Variants in CSMD1 observed in about 807,000 individuals in gnomAD.
The protein encoded by CSMD1 is CUB and sushi domain-containing protein 1.
In CSMD1, 213 loss-of-function variants were observed where a neutral mutation model predicts 417.5. The observed-to-expected ratio is 0.51, with a 90% CI of 0.46 to 0.57. The LOEUF is 0.57. Ranked by LOEUF, CSMD1 falls within the 20% of genes least tolerant of loss-of-function variation. The pLI, the probability that CSMD1 is intolerant of heterozygous loss-of-function variation, is 0.00. For missense variants in CSMD1, 6,923 were observed against 4,529.7 expected, an observed-to-expected ratio of 1.53 and a Z score of -15.17; for synonymous variants, 2,862 against 1,736.8, an observed-to-expected ratio of 1.65 and a Z score of -16.11.
At chr8:3,197,955 G>C (rs962320984) in intron 33 of CSMD1, among the ~76,000 whole-genome samples, 1 of 152,090 alleles carries the variant, frequency 6.6e-6, no homozygotes, top group African/African-American at 2.4e-5. Flanking sequence ...CACACTAGTA[G>C]GAGCAAAGCA....
intron 54 of CSMD1, among the ~76,000 whole-genome samples, chr8:2,994,758 A>G (rs1369762882): frequency 6.6e-6 from 1 of 152,122 alleles, no homozygotes; most frequent in Non-Finnish European, 1.5e-5. Flanking sequence ...TCAATTTTTA[A>G]TTTTTTTATT....
intron 3 of CSMD1, among the ~76,000 whole-genome samples, chr8:4,331,385 G>A (rs1038119114): frequency 6.6e-6 from 1 of 152,138 alleles, no homozygotes; most frequent in Non-Finnish European, 1.5e-5. Context: ...TTGTTGCGAG[G>A]TGTCTACAGT....
chr8:4,594,800 T>A (rs1800169453), intron 2 of CSMD1, among the ~76,000 whole-genome samples: 1 of 152,180 alleles, frequency 6.6e-6, no homozygotes. Flanking sequence ...ATCATCATAT[T>A]TCTGATGTTA....
intron 40 of CSMD1, among the ~76,000 whole-genome samples, chr8:3,149,901 A>G (rs1301217035): frequency 6.6e-6 from 1 of 152,158 alleles, no homozygotes; most frequent in Non-Finnish European, 1.5e-5. Context: ...CTCTGATGTT[A>G]ATGACTATAA....
At chr8:4,334,372 T>TG (rs1226495489) in intron 3 of CSMD1, among the ~76,000 whole-genome samples, 7 of 152,056 alleles carry the variant, frequency 4.6e-5, no homozygotes, top group African/African-American at 1.4e-4. Context: ...CTCCCTTAGG[T>TG]GGTGGGCTTC....
chr8:4,749,304 G>T (rs554407437), intron 1 of CSMD1, among the ~76,000 whole-genome samples: 1 of 152,286 alleles, frequency 6.6e-6, no homozygotes, highest in African/African-American at 2.4e-5. Context: ...GTTACTTTTA[G>T]TTTGACATTG....
chr8:2,982,021 C>T (rs1805463705), intron 54 of CSMD1, among the ~76,000 whole-genome samples: 1 of 152,150 alleles, frequency 6.6e-6, no homozygotes, highest in Non-Finnish European at 1.5e-5. Context: ...ACACTCCTTA[C>T]TCAGAGATGT....
In CSMD1 at chr8:4,068,428, C is replaced by T. The variant is rs187217072; in HGVS notation, c.416-36329G>A. Among the ~76,000 whole-genome samples, 9 of 152,238 alleles carry T rather than the reference C, an allele frequency of 5.9e-5. No homozygotes were observed. The East Asian group carries it at 1.7e-3, about 29-fold the overall frequency. ...GGGAGAGACATGAAAAGCACGGTTA[C>T]AGAAAATTAAATGTATATTTTTAGA... is the stretch of plus-strand genomic sequence containing the variant. On this transcript the variant is annotated intron_variant, in intron 3 of 69. Coordinates refer to ENST00000635120, the MANE Select transcript of CSMD1 (RefSeq NM_033225.6).
chr8:4,129,583 TTTA>T (rs3061460), intron 3 of CSMD1, among the ~76,000 whole-genome samples: 150,666 of 151,764 alleles, frequency 0.99, 74,796 homozygotes, highest in Middle Eastern at 1. Flanking sequence ...CTTTACGTTT[TTTA>T]TTATTATTAT....
intron 7 of CSMD1, among the ~76,000 whole-genome samples, chr8:3,660,480 CTTTTTTTTTTTTTTTTTTTTTTTTTT>C (rs756282263): frequency 1.4e-5 from 1 of 70,400 alleles, no homozygotes; most frequent in African/African-American, 5.6e-5. Flanking sequence ...GATCAAGTGG[CTTTTTTTTTTTTTTTTTTTTTTTTTT>C]TTTTTTTTTT....
intron 3 of CSMD1, among the ~76,000 whole-genome samples, chr8:4,389,039 T>C (rs1803661357): frequency 1.3e-5 from 2 of 152,198 alleles, no homozygotes; most frequent in Non-Finnish European, 2.9e-5. Context: ...AGCATGCAGT[T>C]AGTCTGGTCT....
intron 1 of CSMD1, among the ~76,000 whole-genome samples, chr8:4,878,749 T>C (rs1803206339): frequency 6.6e-6 from 1 of 151,926 alleles, no homozygotes; most frequent in Non-Finnish European, 1.5e-5. Context: ...TAGAAAACAT[T>C]CACAGTAAAT....
chr8:3,938,418 A>G (rs1216797387), intron 5 of CSMD1, among the ~76,000 whole-genome samples: 3 of 152,180 alleles, frequency 2.0e-5, no homozygotes, highest in Admixed American at 6.6e-5. Context: ...TTGGGCTTCA[A>G]AAGAATAGTA....
In CSMD1 at chr8:4,790,765, T is replaced by C. The variant is rs550864595; in HGVS notation, c.86-153207A>G. The stretch of plus-strand genomic sequence containing the variant: ...CCCTATTCAATAAATGGTGCTAAGA[T>C]AAATGGCTAGCCATATGCAGAAGAC... On this transcript the variant is annotated intron_variant, in intron 1 of 69. Coordinates refer to ENST00000635120, the MANE Select transcript of CSMD1 (RefSeq NM_033225.6). Among the ~76,000 whole-genome samples, 19 of 152,286 alleles carry C rather than the reference T, an allele frequency of 1.2e-4. No individual in the cohort carries two copies. In the South Asian group the frequency reaches 3.3e-3, roughly 27 times the overall value.
chr8:4,002,344 G>A (rs1363187816), intron 4 of CSMD1, among the ~76,000 whole-genome samples: 1 of 152,108 alleles, frequency 6.6e-6, no homozygotes, highest in East Asian at 1.9e-4. Context: ...CGCTATTTTT[G>A]TAAGGGATTT....
chr8:4,669,953 TTA>T (rs1244843359), intron 1 of CSMD1, among the ~76,000 whole-genome samples: 7 of 152,130 alleles, frequency 4.6e-5, no homozygotes, highest in Non-Finnish European at 1.0e-4. Context: ...GTTTCATGTT[TTA>T]TGAGGATTGG....
At chr8:3,574,801 C>G (rs1800079514) in intron 10 of CSMD1, 144 bp downstream of exon 10, 7 of 893,778 alleles carry the variant, frequency 7.8e-6, no homozygotes, top group Non-Finnish European at 1.2e-5. Flanking sequence ...AATGTGGCAT[C>G]TAGACACAGG....
chr8:3,273,041 C>G (rs143995752), intron 26 of CSMD1, among the ~76,000 whole-genome samples: 11,015 of 151,990 alleles, frequency 0.072, 488 homozygotes, highest in Middle Eastern at 0.11. Flanking sequence ...TAGTTTTTGC[C>G]CATTCGGTAT....
chr8:4,903,015 A>G (rs1319193939), intron 1 of CSMD1, among the ~76,000 whole-genome samples: 14 of 38,530 alleles, frequency 3.6e-4, no homozygotes, highest in Admixed American at 3.4e-3. Flanking sequence ...TTAATAATAA[A>G]TAAATAAATA....
Sources: allele counts gnomAD v4.1 joint callset (sites outside exome capture counted in the v4.1 genomes callset), GRCh38; gene constraint gnomAD v4.1.1; transcripts MANE v1.5; gene names NCBI Gene and HGNC (gene_info 2026-07-23, HGNC 2026-07-21).